KCNQ1: variants seen among roughly 807,000 people sequenced by gnomAD.
The protein encoded by KCNQ1 is potassium voltage-gated channel subfamily KQT member 1.
Under a neutral mutation model 72.4 loss-of-function variants are expected in KCNQ1, and 49 were observed. The observed-to-expected ratio is 0.68, with a 90% CI of 0.54 to 0.86. The LOEUF (loss-of-function observed/expected upper bound fraction) is 0.86. KCNQ1 is among the 40% of genes least tolerant of loss of function. The pLI is 0.00. For synonymous variants in KCNQ1, 450 were observed against 412.6 expected, an observed-to-expected ratio of 1.09 and a Z score of -1.10; for missense variants, 790 against 945.1, an observed-to-expected ratio of 0.84 and a Z score of 2.15.
At chr11:2,763,796 A>G (rs1287513788) in intron 11 of KCNQ1, among the ~76,000 whole-genome samples, 1 of 152,118 alleles carries the variant, frequency 6.6e-6, no homozygotes, top group African/African-American at 2.4e-5. Context: ...TCCTGGGCTC[A>G]AGTGATCCTC....
Position 2,695,545 on chromosome 11 carries a change from G to A in KCNQ1, c.1514+33464G>A, listed in dbSNP as rs1193966525. On this transcript the variant is annotated intron_variant, in intron 11 of 15. Coordinates refer to ENST00000155840, the MANE Select transcript of KCNQ1 (RefSeq NM_000218.3). The surrounding 1 kb of genome is among the most constrained non-coding windows in gnomAD (Gnocchi z 5.2). ...ACCAGCTCCAACTGCCCACCCCTATGGGCCATGCTGCCCTGAGCATGCACA... is the reference window on the plus strand; with the variant it reads ...ACCAGCTCCAACTGCCCACCCCTATAGGCCATGCTGCCCTGAGCATGCACA... 1 of 398,442 alleles carries A rather than the reference G, an allele frequency of 2.5e-6. No individual in the cohort carries two copies. Among genetic ancestry groups the A allele is most frequent in the African/African-American group, 2.1e-5 (1 of 48,598 alleles). The allele number at this position is 398,442 out of a possible 1,614,324, so 24.7% of individuals were successfully genotyped here.
chr11:2,707,817 C>T (rs146683239), intron 11 of KCNQ1, among the ~76,000 whole-genome samples: 3 of 152,244 alleles, frequency 2.0e-5, no homozygotes, highest in South Asian at 4.1e-4. Context: ...TATCCCTCCC[C>T]CTCTGCCACA....
rs542632185 is a variant in KCNQ1 at position 2,529,314 on chromosome 11, GCTTT to G, written c.477+1301_477+1304del. Among the ~76,000 whole-genome samples the G allele has an allele frequency of 2.0e-4, 31 of 152,274 alleles. No homozygotes were observed. In the South Asian group the frequency reaches 3.1e-3, roughly 15 times the overall value. ...TGATGTCACTTTGTGCCTCGGCAGG[GCTTT>G]CTTTTTCGGGGGTTTCCTGGTGGCG... is the stretch of plus-strand genomic sequence containing the variant. On this transcript the variant is annotated intron_variant, in intron 2 of 15. Coordinates refer to ENST00000155840, the MANE Select transcript of KCNQ1 (RefSeq NM_000218.3).
At chr11:2,629,436 T>A (rs2133814171) in intron 10 of KCNQ1, 1 of 398,540 alleles carries the variant, frequency 2.5e-6, no homozygotes, top group African/African-American at 2.1e-5. Flanking sequence ...TGCCCCATGT[T>A]TTCTTCTAAG....
intron 1 of KCNQ1, among the ~76,000 whole-genome samples, chr11:2,523,053 C>G (rs1455000872): frequency 6.6e-6 from 1 of 152,252 alleles, no homozygotes; most frequent in Non-Finnish European, 1.5e-5. Flanking sequence ...GCCCCTGCAG[C>G]TGGAATCCGC....
intron 10 of KCNQ1, among the ~76,000 whole-genome samples, chr11:2,591,616 G>A (rs1030456552): frequency 2.0e-5 from 3 of 152,258 alleles, no homozygotes; most frequent in Non-Finnish European, 4.4e-5. Context: ...AGCATCGCTT[G>A]CTGCTTGCTG....
chr11:2,829,636 GA>G (rs762528461), intron 15 of KCNQ1, among the ~76,000 whole-genome samples: 2 of 151,926 alleles, frequency 1.3e-5, no homozygotes, highest in Non-Finnish European at 2.9e-5. Context: ...AGGGGCATGA[GA>G]ACAAAATCTT....
intron 15 of KCNQ1, among the ~76,000 whole-genome samples, chr11:2,825,394 G>A (rs1646364715): frequency 6.6e-6 from 1 of 152,200 alleles, no homozygotes; most frequent in Non-Finnish European, 1.5e-5. Context: ...TTTCCTGTGG[G>A]AAGGTGCCAG....
intron 15 of KCNQ1, among the ~76,000 whole-genome samples, chr11:2,821,062 A>G (rs1847723985): frequency 1.3e-5 from 2 of 152,216 alleles, no homozygotes; most frequent in South Asian, 4.1e-4. Context: ...TAAGGACATC[A>G]GCACTCTTCG....
At position 2,759,585 on chromosome 11, in the gene KCNQ1, G is replaced by A. The variant is rs1227973631; in HGVS notation, c.1515-9259G>A. On this transcript the variant is annotated intron_variant, in intron 11 of 15. Coordinates refer to ENST00000155840, the MANE Select transcript of KCNQ1 (RefSeq NM_000218.3). The surrounding 1 kb of genome is among the most constrained non-coding windows in gnomAD (Gnocchi z 4.4). ...CAAAGAGCGACACCCCAGCATGTGG[G>A]AAGGAAGGGAGCGAGCTCTTATTTC... Among the ~76,000 whole-genome samples, 1 of 152,234 alleles carries A rather than the reference G, an allele frequency of 6.6e-6. No homozygotes were observed. Among genetic ancestry groups the A allele is most frequent in the Non-Finnish European group, 1.5e-5 (1 of 68,036 alleles).
chr11:2,709,258 G>A (rs1236970359), intron 11 of KCNQ1, among the ~76,000 whole-genome samples: 3 of 128,806 alleles, frequency 2.3e-5, no homozygotes. Context: ...AGCTGCAGAG[G>A]ACTTCTGGCT....
rs921568537 is a variant in KCNQ1, at chr11:2,481,040, G to A, written c.386+35556G>A. ...AGTTTGAAATGAAATCATATAAATC[G>A]AAAGTTAGAAGAGAATTACCACATC... On this transcript the variant is annotated intron_variant, in intron 1 of 15. Transcript: ENST00000155840. This position sits in a 1 kb window ranked among gnomAD's most constrained non-coding sequence, Gnocchi z 4.6. 2.0e-5 allele frequency among the ~76,000 whole-genome samples: 3 copies of A among 152,114 alleles called. No individual in the cohort carries two copies. The highest frequency in any genetic ancestry group is 2.1e-4 in the South Asian group (1 of 4,826).
rs1564835907 is a variant in KCNQ1, at chr11:2,620,221, T to TTTTA, written c.1393+31369_1393+31370insTATT. ...CATGTATATATATATATTTTTTTTT[T>TTTTA]TTATTTTTTTTTTAGACGGAGTTTC... On this transcript the variant is annotated intron_variant, in intron 10 of 15. Transcript: ENST00000155840. The surrounding 1 kb of genome is among the most constrained non-coding windows in gnomAD (Gnocchi z 4.5). 230 of 280,170 alleles carry TTTTA rather than the reference T, an allele frequency of 8.2e-4. 1 individual carries two copies. The highest frequency in any genetic ancestry group is 3.3e-3 in the Middle Eastern group (3 of 922). 17.4% of individuals were successfully genotyped at this position (280,170 alleles called of 1,614,324 possible).
rs1252334191 is a variant in KCNQ1, at chr11:2,544,762, A to T, written c.477+16744A>T. 6.6e-6 allele frequency among the ~76,000 whole-genome samples: 1 copy of T among 152,196 alleles called. No homozygotes were observed. Among genetic ancestry groups the T allele is most frequent in the African/African-American group, 2.4e-5 (1 of 41,442 alleles). On this transcript the variant is annotated intron_variant, in intron 2 of 15. Transcript: ENST00000155840. This position sits in a 1 kb window ranked among gnomAD's most constrained non-coding sequence, Gnocchi z 4.4. The stretch of plus-strand genomic sequence containing the variant: ...AATGATGTTTTCTGAACATAGAGAC[A>T]GTTTTACCTCTTTTTTTCAAATGTG...
intron 10 of KCNQ1, among the ~76,000 whole-genome samples, chr11:2,605,484 A>C (rs1848865795): frequency 6.6e-6 from 1 of 152,172 alleles, no homozygotes; most frequent in Non-Finnish European, 1.5e-5. Flanking sequence ...TGTGGAGTGG[A>C]CCAATTGATT....
In KCNQ1 at chr11:2,787,848, G is replaced by A. The variant is rs998939876; in HGVS notation, c.1794+9811G>A. Among the ~76,000 whole-genome samples the A allele has an allele frequency of 7.4e-6, 1 of 135,466 alleles. No homozygotes were observed. The highest frequency in any genetic ancestry group is 2.6e-5 in the African/African-American group (1 of 38,052). The allele number at this position is 135,466 out of a possible 152,430, so 88.9% of individuals were successfully genotyped here. ...CATACTGAAGGGTTTTCTAATAACC[G>A]AATGAAGGATCTATCTTTAAATTTT... On this transcript the variant is annotated intron_variant, in intron 15 of 15. Coordinates refer to ENST00000155840, the MANE Select transcript of KCNQ1 (RefSeq NM_000218.3). This position sits in a 1 kb window ranked among gnomAD's most constrained non-coding sequence, Gnocchi z 6.3.
chr11:2,493,845 C>G lies in KCNQ1; in HGVS notation c.387-34083C>G, dbSNP rs1031751588. Among the ~76,000 whole-genome samples, 4 of 151,958 alleles carry G rather than the reference C, an allele frequency of 2.6e-5. No individual in the cohort carries two copies. Among genetic ancestry groups the G allele is most frequent in the African/African-American group, 9.7e-5 (4 of 41,368 alleles). ...TGGCTATATGGGCTCTTTTTTGGTT[C>G]CATATGAAATTTAAAGTAGTTTTTT... On this transcript the variant is annotated intron_variant, in intron 1 of 15. Coordinates refer to ENST00000155840, the MANE Select transcript of KCNQ1 (RefSeq NM_000218.3). The surrounding 1 kb of genome is among the most constrained non-coding windows in gnomAD (Gnocchi z 5.3).
rs772363276 is a variant in KCNQ1, at chr11:2,583,536, G to A, written c.1023G>A (p.Ala341=). The A allele has an allele frequency of 9.3e-6, 15 of 1,612,364 alleles. No homozygotes were observed. The highest frequency in any genetic ancestry group is 4.5e-5 in the East Asian group (2 of 44,874). Residue 341 remains alanine (A), a synonymous_variant, in exon 7 of 16, where the codon GCG becomes GCA. Transcript: ENST00000155840. ...CTGTCTTTGCCATCTCCTTCTTTGC[G>A]CTCCCAGCGGTAGGTGCCCCGTGGG... ...CFSVFAISFF[A]LPAGILGSGF...
chr11:2,754,827 CTGTG>C (rs576682525), intron 11 of KCNQ1, among the ~76,000 whole-genome samples: 13 of 152,274 alleles, frequency 8.5e-5, no homozygotes, highest in African/African-American at 3.1e-4. Flanking sequence ...AAAGCATTGA[CTGTG>C]AAAGAAAAAC....
Sources: allele counts gnomAD v4.1 joint callset (sites outside exome capture counted in the v4.1 genomes callset), GRCh38; gene constraint gnomAD v4.1.1; non-coding constraint Gnocchi (gnomAD v3.1); transcripts MANE v1.5; gene names NCBI Gene and HGNC (gene_info 2026-07-23, HGNC 2026-07-21).